The following CCDC144A variants were observed in gnomAD, a reference collection of about 807,000 sequenced individuals.
The protein encoded by CCDC144A is coiled-coil domain-containing protein 144A.
Under a neutral mutation model 143.8 loss-of-function variants are expected in CCDC144A, and 41 were observed. The ratio of observed to expected loss-of-function variants is 0.29; its 90% CI spans 0.22 to 0.37. CCDC144A has a LOEUF of 0.37. CCDC144A is among the 10% of genes least tolerant of loss of function. CCDC144A has a pLI of 1.00. For missense variants in CCDC144A, 637 were observed against 1,488.8 expected, an observed-to-expected ratio of 0.43 and a Z score of 9.41; for synonymous variants, 242 against 517.9, an observed-to-expected ratio of 0.47 and a Z score of 7.23.
At chr17:16,685,748 A>G (rs962628472), upstream of CCDC144A, among the ~76,000 whole-genome samples, 1 of 151,488 alleles carries the variant, frequency 6.6e-6, no homozygotes, top group African/African-American at 2.4e-5. Context: ...GTTTTCTGTG[A>G]TTGGTTCTGT....
At chr17:16,709,712 G>T (rs1373103823) in intron 5 of CCDC144A, 77 bp downstream of exon 5, 31 of 1,495,064 alleles carry the variant, frequency 2.1e-5, no homozygotes, top group Admixed American at 7.4e-5. Flanking sequence ...CTTAGGAAAA[G>T]CATATGAAAA....
intron 12 of CCDC144A, among the ~76,000 whole-genome samples, chr17:16,756,422 T>A (rs1915091460): frequency 1.3e-5 from 2 of 151,978 alleles, no homozygotes; most frequent in South Asian, 4.2e-4. Flanking sequence ...GTTTTTATTT[T>A]ATGTATTGAA....
At chr17:16,724,571 G>A (rs1235230701) in intron 8 of CCDC144A, among the ~76,000 whole-genome samples, 6 of 150,720 alleles carry the variant, frequency 4.0e-5, no homozygotes, top group South Asian at 4.2e-4. Context: ...TTTGGTAAGT[G>A]CTCACTGGGT....
At chr17:16,746,912 C>G (rs1338836874) in intron 12 of CCDC144A, among the ~76,000 whole-genome samples, 2 of 148,948 alleles carry the variant, frequency 1.3e-5, no homozygotes, top group Non-Finnish European at 3.0e-5. Flanking sequence ...TCCCTCCCCT[C>G]TAGGTCCCAA....
Position 16,707,502 on chromosome 17 carries a change from A to G in CCDC144A, c.698A>G (p.Glu233Gly). 2 of 1,607,266 alleles carry G rather than the reference A, an allele frequency of 1.2e-6. No individual in the cohort carries two copies. Among genetic ancestry groups the G allele is most frequent in the Non-Finnish European group, 1.7e-6 (2 of 1,177,978 alleles). Residue 233 changes from glutamate (E) to glycine (G), a missense_variant, in exon 4 of 17, where the codon GAG becomes GGG. By Grantham distance (98) the Glu-to-Gly change is moderately conservative. Transcript: ENST00000399273. ...GACTCGGAGCTGACATCAGAGGAAG[A>G]GCAAGAAAGACTTAAAGGATGCGAA... is the stretch of plus-strand genomic sequence containing the variant. ...EQDSELTSEE[E>G]QERLKGCENK...
chr17:16,704,298 A>C (rs1911914643), intron 2 of CCDC144A, among the ~76,000 whole-genome samples: 1 of 151,680 alleles, frequency 6.6e-6, no homozygotes, highest in South Asian at 2.1e-4. Flanking sequence ...ACTAAAAATA[A>C]AAAAAAATTA....
chr17:16,773,330 G>C (rs562010715), intron 16 of CCDC144A, among the ~76,000 whole-genome samples, 167 bp from the exon 17 acceptor site: 1 of 152,078 alleles, frequency 6.6e-6, no homozygotes, highest in Non-Finnish European at 1.5e-5. Context: ...CATGCCTGCA[G>C]TTCCAAGTAC....
chr17:16,682,701 C>A, the CCDC144A span, among the ~76,000 whole-genome samples: 51 of 151,922 alleles, frequency 3.4e-4, no homozygotes, highest in African/African-American at 1.2e-3. Context: ...AAGGACAGAT[C>A]ACCTGTGTCA....
chr17:16,746,107 C>T, intron 12 of CCDC144A: 1 of 1,596,902 alleles, frequency 6.3e-7, no homozygotes, highest in Non-Finnish European at 8.6e-7. Context: ...TTTACGACTG[C>T]ACCGGGAGCA....
At chr17:16,742,780 T>C (rs1914319664) in intron 12 of CCDC144A, among the ~76,000 whole-genome samples, 1 of 152,200 alleles carries the variant, frequency 6.6e-6, no homozygotes, top group Non-Finnish European at 1.5e-5. Flanking sequence ...TGAGACGATA[T>C]CTTATTTGGG....
chr17:16,726,400 G>GA (rs1242106841), intron 8 of CCDC144A, among the ~76,000 whole-genome samples: 7,532 of 140,586 alleles, frequency 0.054, 659 homozygotes, highest in African/African-American at 0.18. Context: ...AAAAAAGAGA[G>GA]ATAAAAAAAA....
chr17:16,719,336 GT>G (rs1483443730), intron 6 of CCDC144A, among the ~76,000 whole-genome samples: 1 of 151,878 alleles, frequency 6.6e-6, no homozygotes, highest in Non-Finnish European at 1.5e-5. Context: ...ATACTTTTTA[GT>G]TTTTTGAAAG....
intron 11 of CCDC144A, among the ~76,000 whole-genome samples, chr17:16,733,864 G>A (rs1322974138): frequency 1.3e-5 from 2 of 152,214 alleles, no homozygotes; most frequent in Admixed American, 6.5e-5. Flanking sequence ...AAGGCCAGGT[G>A]CAGTGGCTCA....
intron 15 of CCDC144A, chr17:16,767,392 C>T (rs1915648637): frequency 6.6e-6 from 1 of 151,242 alleles, no homozygotes; most frequent in African/African-American, 2.4e-5. Flanking sequence ...TTGAGAGTTA[C>T]AGAAAGAAGG....
chr17:16,671,989 T>G, the CCDC144A span, among the ~76,000 whole-genome samples: 1 of 152,128 alleles, frequency 6.6e-6, no homozygotes. Flanking sequence ...TAAAGCTACA[T>G]CTATTCTTGC....
At chr17:16,667,154 G>T in the CCDC144A span, 3 of 157,564 alleles carry the variant, frequency 1.9e-5, no homozygotes, top group African/African-American at 7.2e-5. Context: ...ACCGGCAGGA[G>T]GCTGCGCTGG....
At position 16,709,080 on chromosome 17, in the gene CCDC144A, A is replaced by T. The variant is rs761519218; in HGVS notation, c.1023A>T (p.Ile341=). Residue 341 remains isoleucine (I), a synonymous_variant, in exon 5 of 17, where the codon ATA becomes ATT. Coordinates refer to ENST00000399273, the MANE Select transcript of CCDC144A (RefSeq NM_001382000.1). ...KDIPFNLTNN[I]PGCEEEDASE... is the part of the protein sequence containing the mutation. ...TTCCCTTTAATTTGACAAATAACAT[A>T]CCTGGTTGTGAGGAAGAAGATGCAT... 5 of 1,611,610 alleles carry T rather than the reference A, an allele frequency of 3.1e-6. No individual in the cohort carries two copies. Among genetic ancestry groups the T allele is most frequent in the African/African-American group, 1.3e-5 (1 of 74,936 alleles).
At chr17:16,720,087 A>G in intron 6 of CCDC144A, 111 bp from the exon 7 acceptor site, 1 of 1,332,934 alleles carries the variant, frequency 7.5e-7, no homozygotes, top group South Asian at 1.5e-5. Context: ...CACTTGATGA[A>G]TAGAAGTAAC....
At chr17:16,694,472 A>C (rs1027474837) in intron 2 of CCDC144A, among the ~76,000 whole-genome samples, 9 of 152,064 alleles carry the variant, frequency 5.9e-5, no homozygotes, top group African/African-American at 2.2e-4. Context: ...AATCCCAGCT[A>C]CTTGGGAGAC....
Sources: gnomAD v4.1 joint callset for allele counts (sites outside exome capture counted in the v4.1 genomes callset) on GRCh38, gnomAD v4.1.1 for gene constraint, MANE v1.5 for transcripts, NCBI Gene and HGNC (gene_info 2026-07-23, HGNC 2026-07-21) for gene names.